Variants in GLDN observed in about 807,000 individuals in gnomAD.
The protein encoded by GLDN is gliomedin, also known as collomin.
A neutral mutation model predicts 56.5 loss-of-function variants in GLDN; 47 were observed. That is an observed-to-expected ratio of 0.83 (90% CI 0.66 to 1.06). The LOEUF is 1.06. Ranked by LOEUF, GLDN falls within the 50% of genes least tolerant of loss-of-function variation. The probability of loss-of-function intolerance (pLI) is 0.00; values close to 1 mark genes in which losing one functional copy is unlikely to be tolerated. For missense variants in GLDN, 782 were observed against 714.3 expected, an observed-to-expected ratio of 1.09 and a Z score of -1.08; for synonymous variants, 332 against 278.8, an observed-to-expected ratio of 1.19 and a Z score of -1.90.
chr15:51,344,867 C>A (rs1014741409), intron 1 of GLDN, among the ~76,000 whole-genome samples: 1 of 152,190 alleles, frequency 6.6e-6, no homozygotes, highest in Non-Finnish European at 1.5e-5. Context: ...ACCTGGTTGG[C>A]AGCTGTAAAT....
chr15:51,404,534 G>T lies in GLDN; in HGVS notation c.1436G>T (p.Arg479Leu), dbSNP rs199538582. ...AAGGCTGGCAACGCCTTCATTGCCC[G>T]AGGAATCCTCTATGTCACAGACACC... ...KSKAGNAFIA[R>L]GILYVTDTKD... is the part of the protein sequence containing the mutation. Residue 479 changes from arginine to leucine, a missense_variant, in exon 10 of 10, where the codon CGA (arginine) becomes CTA (leucine). Coordinates refer to ENST00000335449, the MANE Select transcript of GLDN (RefSeq NM_181789.4). 7 of 1,614,120 alleles carry T rather than the reference G, an allele frequency of 4.3e-6. No individual in the cohort carries two copies. The highest frequency in any genetic ancestry group is 5.9e-6 in the Non-Finnish European group (7 of 1,180,034).
intron 5 of GLDN, among the ~76,000 whole-genome samples, chr15:51,397,000 C>T (rs568197343): frequency 6.6e-6 from 1 of 152,220 alleles, no homozygotes; most frequent in Non-Finnish European, 1.5e-5. Flanking sequence ...TTCCTCCATG[C>T]TGCTGACCAA....
intron 1 of GLDN, among the ~76,000 whole-genome samples, chr15:51,354,769 G>A (rs1471588498): frequency 6.6e-6 from 1 of 152,204 alleles, no homozygotes; most frequent in African/African-American, 2.4e-5. Flanking sequence ...AACCTAATGA[G>A]GAATTGGGAG....
intron 2 of GLDN, among the ~76,000 whole-genome samples, chr15:51,382,732 A>C (rs1197985966): frequency 6.7e-6 from 1 of 149,458 alleles, no homozygotes. Flanking sequence ...TCTCCAAAAA[A>C]AAAAAAAAGA....
In GLDN at chr15:51,396,460, A is replaced by G. The variant is rs114160146; in HGVS notation, c.689-1010A>G. On this transcript the variant is annotated intron_variant, in intron 5 of 9. Transcript: ENST00000335449. Reference sequence around the variant, plus strand: ...TAAGGGGCAGAAAGCCACAAAGACAATAGCACAGAGGAAAGAGCAGGTGAC... The same window carrying G: ...TAAGGGGCAGAAAGCCACAAAGACAGTAGCACAGAGGAAAGAGCAGGTGAC... Among the ~76,000 whole-genome samples, 325 of 152,334 alleles carry G rather than the reference A, an allele frequency of 2.1e-3. 2 individuals carry two copies. The highest frequency in any genetic ancestry group is 7.4e-3 in the African/African-American group (308 of 41,584).
chr15:51,362,766 T>A (rs1386786956), intron 1 of GLDN, among the ~76,000 whole-genome samples: 1 of 152,160 alleles, frequency 6.6e-6, no homozygotes, highest in Non-Finnish European at 1.5e-5. Context: ...GTAGGGGGGC[T>A]ATTTATATAG....
intron 1 of GLDN, among the ~76,000 whole-genome samples, chr15:51,374,530 G>C (rs1259647453): frequency 6.6e-6 from 1 of 152,104 alleles, no homozygotes; most frequent in Admixed American, 6.5e-5. Context: ...GTGTGATTTT[G>C]AGTAAATGAT....
chr15:51,388,659 A>T lies in GLDN; in HGVS notation c.541+4767A>T, dbSNP rs188432455. Among the ~76,000 whole-genome samples, 19 of 152,346 alleles carry T rather than the reference A, an allele frequency of 1.2e-4. No homozygotes were observed. The East Asian group carries it at 3.3e-3, about 26-fold the overall frequency. ...TGGATATAACTTGTCTAATGTCAAA[A>T]GCTAATAAGTGGAGGAGGCAGGACT... On this transcript the variant is annotated intron_variant, in intron 4 of 9. Transcript: ENST00000335449.
chr15:51,350,123 C>T (rs1208710704), intron 1 of GLDN, among the ~76,000 whole-genome samples: 1 of 152,102 alleles, frequency 6.6e-6, no homozygotes, highest in Non-Finnish European at 1.5e-5. Context: ...ACACCTCTCC[C>T]AAGGAGATGG....
At position 51,397,696 on chromosome 15, in the gene GLDN, G is replaced by A. The variant is rs898455405; in HGVS notation, c.817+98G>A. ...CTGTGACCAGATTTGTTTTAATAGA[G>A]GGAGGAGGGTTTTGTCCAAAATGAA... On this transcript the variant is annotated intron_variant, in intron 6 of 9. Coordinates refer to ENST00000335449, the MANE Select transcript of GLDN (RefSeq NM_181789.4). 34 of 1,320,836 alleles carry A rather than the reference G, an allele frequency of 2.6e-5. No individual in the cohort carries two copies. The Middle Eastern group carries it at 1.0e-3, about 39-fold the overall frequency. 81.8% of individuals were successfully genotyped at this position (1,320,836 alleles called of 1,614,324 possible).
chr15:51,373,698 G>A (rs1167693621), intron 1 of GLDN, among the ~76,000 whole-genome samples: 1 of 152,210 alleles, frequency 6.6e-6, no homozygotes, highest in African/African-American at 2.4e-5. Flanking sequence ...GGAGCAGAGT[G>A]ACAGTGATGG....
intron 9 of GLDN, among the ~76,000 whole-genome samples, 155 bp downstream of exon 9, chr15:51,401,898 T>C (rs2038260678): frequency 6.6e-6 from 1 of 152,160 alleles, no homozygotes; most frequent in South Asian, 2.1e-4. Flanking sequence ...ACTGAATGAA[T>C]CACAGGATAT....
intron 1 of GLDN, among the ~76,000 whole-genome samples, chr15:51,358,354 C>A (rs2037226463): frequency 1.3e-5 from 2 of 152,150 alleles, no homozygotes; most frequent in South Asian, 4.1e-4. Context: ...TGGGACAGCT[C>A]CAAGCCCAGA....
At position 51,394,819 on chromosome 15, in the gene GLDN, T is replaced by C; in HGVS notation, c.542-16T>C. 2 of 1,613,870 alleles carry C rather than the reference T, an allele frequency of 1.2e-6. No homozygotes were observed. The highest frequency in any genetic ancestry group is 1.7e-6 in the Non-Finnish European group (2 of 1,179,918). On this transcript the variant is annotated splice_polypyrimidine_tract_variant and intron_variant, in intron 4 of 9. Coordinates refer to ENST00000335449, the MANE Select transcript of GLDN (RefSeq NM_181789.4). The stretch of plus-strand genomic sequence containing the variant: ...TTTGCACCATAGGCTAATATGTCTT[T>C]TGTTTTTTTGGTCAGGGATACCTGG...
intron 1 of GLDN, among the ~76,000 whole-genome samples, chr15:51,353,215 C>G (rs1178282808): frequency 6.6e-6 from 1 of 151,968 alleles, no homozygotes; most frequent in Non-Finnish European, 1.5e-5. Flanking sequence ...CTGACCCAAC[C>G]AATCAGCATT....
At chr15:51,352,485 T>C (rs1381239272) in intron 1 of GLDN, among the ~76,000 whole-genome samples, 1 of 152,184 alleles carries the variant, frequency 6.6e-6, no homozygotes, top group Non-Finnish European at 1.5e-5. Flanking sequence ...AGTGTCTTGT[T>C]TCTGGGTTTA....
downstream of GLDN, among the ~76,000 whole-genome samples, chr15:51,409,743 G>A (rs1323826741): frequency 6.6e-6 from 1 of 152,190 alleles, no homozygotes; most frequent in Non-Finnish European, 1.5e-5. Context: ...GACCAGAGGA[G>A]ATTCATGACT....
Position 51,404,993 on chromosome 15 carries a change from G to A in GLDN, c.*239G>A. On this transcript the variant is annotated 3_prime_UTR_variant, in exon 10 of 10. Coordinates refer to ENST00000335449, the MANE Select transcript of GLDN (RefSeq NM_181789.4). ...GTTACCTCTTTCTCCTTGGGCCTTA[G>A]TTTCCCCATTGGTAATCTGAATTGG... 2.4e-6 allele frequency: 1 copy of A among 409,914 alleles called. No homozygotes were observed. Among genetic ancestry groups the A allele is most frequent in the South Asian group, 3.7e-5 (1 of 27,186 alleles). The allele number at this position is 409,914 out of a possible 1,614,324, so 25.4% of individuals were successfully genotyped here.
Position 51,353,734 on chromosome 15 carries a change from A to AAAAAAAAAAAAAAAAAAC in GLDN, c.363+11687_363+11688insAAAAAAAAAAAAAAAAAC, listed in dbSNP as rs60404846. Among the ~76,000 whole-genome samples the AAAAAAAAAAAAAAAAAAC allele has an allele frequency of 5.1e-4, 66 of 128,874 alleles. 3 individuals are homozygous for AAAAAAAAAAAAAAAAAAC. Among genetic ancestry groups the AAAAAAAAAAAAAAAAAAC allele is most frequent in the Non-Finnish European group, 8.4e-4 (52 of 61,778 alleles). 84.5% of individuals were successfully genotyped at this position (128,874 alleles called of 152,430 possible). On this transcript the variant is annotated intron_variant, in intron 1 of 9. Coordinates refer to ENST00000335449, the MANE Select transcript of GLDN (RefSeq NM_181789.4). ...TTGATTAAAAAAAAAAAAAAAAAAA[A>AAAAAAAAAAAAAAAAAAC]CCACAGTCAATTAAAAAAAAAAAAA... is the stretch of plus-strand genomic sequence containing the variant.
Sources: allele counts gnomAD v4.1 joint callset (sites outside exome capture counted in the v4.1 genomes callset), GRCh38; gene constraint gnomAD v4.1.1; transcripts MANE v1.5; gene names NCBI Gene and HGNC (gene_info 2026-07-23, HGNC 2026-07-21).